CDH13: variants seen among roughly 807,000 people sequenced by gnomAD.
CDH13 encodes cadherin 13, also known as cadherin-13.
In CDH13, 24 loss-of-function variants were observed where a neutral mutation model predicts 63.8. The ratio of observed to expected loss-of-function variants is 0.38; its 90% CI spans 0.27 to 0.53. CDH13 has a LOEUF of 0.53. Among genes scored for constraint, CDH13 ranks in the 20% least tolerant of loss-of-function variants. The pLI, the probability that CDH13 is intolerant of heterozygous loss-of-function variation, is 0.85. For synonymous variants in CDH13, 503 were observed against 355.3 expected (o/e 1.42, Z -4.67); for missense variants, 1,049 against 903.1 (o/e 1.16, Z -2.07).
intron 5 of CDH13, among the ~76,000 whole-genome samples, chr16:83,243,095 C>A (rs904953732): frequency 6.6e-6 from 1 of 152,112 alleles, no homozygotes; most frequent in African/African-American, 2.4e-5. Context: ...GGAACCCTGG[C>A]CACTTGACTC....
At chr16:82,717,482 C>G (rs960616971) in intron 1 of CDH13, among the ~76,000 whole-genome samples, 6 of 148,054 alleles carry the variant, frequency 4.1e-5, no homozygotes, top group Non-Finnish European at 5.9e-5. Context: ...CACACTTACT[C>G]TCTTACAATC....
At chr16:83,529,327 C>T (rs1418646720) in intron 7 of CDH13, among the ~76,000 whole-genome samples, 4 of 152,086 alleles carry the variant, frequency 2.6e-5, no homozygotes, top group Non-Finnish European at 4.4e-5. Context: ...AGAAATTTTA[C>T]TTCTGAAAAC....
intron 4 of CDH13, among the ~76,000 whole-genome samples, chr16:83,177,530 G>A (rs1295242867): frequency 6.6e-6 from 1 of 152,190 alleles, no homozygotes; most frequent in African/African-American, 2.4e-5. Context: ...GATGATAATA[G>A]TACCTGTCCC....
At chr16:82,920,678 T>A (rs1238931617) in intron 2 of CDH13, among the ~76,000 whole-genome samples, 1 of 152,198 alleles carries the variant, frequency 6.6e-6, no homozygotes, top group Non-Finnish European at 1.5e-5. Flanking sequence ...ATCCATTTTT[T>A]AATCTTATAT....
intron 2 of CDH13, among the ~76,000 whole-genome samples, chr16:82,917,636 G>C (rs1040402880): frequency 6.6e-6 from 1 of 152,206 alleles, no homozygotes; most frequent in Admixed American, 6.5e-5. Flanking sequence ...TATAGGCCAG[G>C]TACCATGGCT....
chr16:82,971,446 A>G (rs977567360), intron 2 of CDH13, among the ~76,000 whole-genome samples: 1 of 152,176 alleles, frequency 6.6e-6, no homozygotes, highest in South Asian at 2.1e-4. Context: ...ACCCTGTGAG[A>G]TGTGTATCAT....
chr16:82,709,435 A>T (rs2031746020), intron 1 of CDH13, among the ~76,000 whole-genome samples: 1 of 152,336 alleles, frequency 6.6e-6, no homozygotes, highest in Admixed American at 6.5e-5. Context: ...TAATGGTTCC[A>T]ATCAGGGGCT....
At chr16:83,685,910 G>T (rs540968559) in intron 10 of CDH13, among the ~76,000 whole-genome samples, 28 of 152,242 alleles carry the variant, frequency 1.8e-4, no homozygotes, top group African/African-American at 6.7e-4. Context: ...TGCAGACATG[G>T]GTTTTGAGAA....
chr16:83,401,844 C>T (rs2091972594), intron 6 of CDH13, among the ~76,000 whole-genome samples: 1 of 152,120 alleles, frequency 6.6e-6, no homozygotes, highest in African/African-American at 2.4e-5. Context: ...ATTCTCTGAG[C>T]CAAGAACCTA....
intron 8 of CDH13, among the ~76,000 whole-genome samples, chr16:83,643,633 G>C (rs1392763053): frequency 6.6e-6 from 1 of 151,744 alleles, no homozygotes; most frequent in African/African-American, 2.4e-5. Context: ...GGTGATCTTG[G>C]CCTTTCTTGG....
At chr16:83,201,908 C>G (rs1027632114) in intron 4 of CDH13, among the ~76,000 whole-genome samples, 2 of 152,094 alleles carry the variant, frequency 1.3e-5, no homozygotes, top group East Asian at 1.9e-4. Flanking sequence ...GAGCGAGACT[C>G]TGTCTCAAAA....
At chr16:83,445,839 G>C (rs955894511) in intron 6 of CDH13, among the ~76,000 whole-genome samples, 2 of 151,998 alleles carry the variant, frequency 1.3e-5, no homozygotes, top group Non-Finnish European at 2.9e-5. Context: ...CCTCAAGTAG[G>C]TACTTGGGGA....
At position 83,208,171 on chromosome 16, in the gene CDH13, C is replaced by T. The variant is rs150623223; in HGVS notation, c.484-9174C>T. On this transcript the variant is annotated intron_variant, in intron 4 of 13. Transcript: ENST00000567109. ...AGCTTCTGTCCTTCTCAGTGGATTG[C>T]GAGAACTTTGGCTCCATGTTTCTTC... 4.7e-3 allele frequency among the ~76,000 whole-genome samples: 723 copies of T among 152,212 alleles called. 7 individuals carry two copies. The highest frequency in any genetic ancestry group is 0.016 in the African/African-American group (677 of 41,514).
chr16:83,650,510 C>G (rs964220658), intron 8 of CDH13, among the ~76,000 whole-genome samples: 1 of 152,196 alleles, frequency 6.6e-6, no homozygotes, highest in African/African-American at 2.4e-5. Flanking sequence ...ACCTGACACA[C>G]ACATCTTAGC....
intron 10 of CDH13, among the ~76,000 whole-genome samples, chr16:83,697,147 A>G (rs1385071736): frequency 2.0e-5 from 3 of 152,116 alleles, no homozygotes; most frequent in Admixed American, 2.0e-4. Flanking sequence ...TGTATTTGTC[A>G]CCCCAACATT....
At chr16:82,745,741 C>T (rs2034133533) in intron 1 of CDH13, among the ~76,000 whole-genome samples, 1 of 152,110 alleles carries the variant, frequency 6.6e-6, no homozygotes. Context: ...TTCATAGTGA[C>T]ATACACATCA....
chr16:82,798,653 C>G (rs2036703341), intron 1 of CDH13, among the ~76,000 whole-genome samples: 1 of 152,080 alleles, frequency 6.6e-6, no homozygotes. Flanking sequence ...CACAAATGTC[C>G]ATAGGAGCTG....
chr16:83,367,963 G>A (rs1012058956), intron 6 of CDH13, among the ~76,000 whole-genome samples: 1 of 152,120 alleles, frequency 6.6e-6, no homozygotes, highest in Non-Finnish European at 1.5e-5. Context: ...CTTCAACAAT[G>A]TTTTATAGTT....
At chr16:83,080,158 A>T (rs191469293) in intron 3 of CDH13, among the ~76,000 whole-genome samples, 148 of 152,226 alleles carry the variant, frequency 9.7e-4, no homozygotes, top group African/African-American at 3.4e-3. Context: ...GTGATGATAA[A>T]GTGTTCTTTC....
Sources: allele counts gnomAD v4.1 joint callset (sites outside exome capture counted in the v4.1 genomes callset), GRCh38; gene constraint gnomAD v4.1.1; transcripts MANE v1.5; gene names NCBI Gene and HGNC (gene_info 2026-07-23, HGNC 2026-07-21).